Variants in CPSF3 observed in about 807,000 individuals in gnomAD.
The protein encoded by CPSF3 is cleavage and polyadenylation specific factor 3.
Under a neutral mutation model 84.1 loss-of-function variants are expected in CPSF3, and 57 were observed. The ratio of observed to expected loss-of-function variants is 0.68; its 90% CI spans 0.55 to 0.85. The LOEUF (loss-of-function observed/expected upper bound fraction) is 0.85, where lower values mean the gene tolerates loss of function less well. CPSF3 is among the 40% of genes least tolerant of loss of function. The pLI, the probability that CPSF3 is intolerant of heterozygous loss-of-function variation, is 0.00. For synonymous variants in CPSF3, 275 were observed against 278.1 expected (o/e 0.99, Z 0.11); for missense variants, 522 against 838.8 (o/e 0.62, Z 4.66).
intron 15 of CPSF3, among the ~76,000 whole-genome samples, chr2:9,466,313 GACGCACGCACACAGACGCACGC>G (rs1462006287): frequency 9.0e-6 from 1 of 111,590 alleles, no homozygotes; most frequent in Non-Finnish European, 1.9e-5. Flanking sequence ...CACGCACACT[GACGCACGCACACAGACGCACGC>G]ACACACGCGC....
At position 9,445,128 on chromosome 2, in the gene CPSF3, C is replaced by T. The variant is rs147723311; in HGVS notation, c.1242+1467C>T. Among the ~76,000 whole-genome samples, 85 of 152,308 alleles carry T rather than the reference C, an allele frequency of 5.6e-4. 1 individual carries two copies. Among genetic ancestry groups the T allele is most frequent in the African/African-American group, 1.9e-3 (80 of 41,576 alleles). On this transcript the variant is annotated intron_variant, in intron 10 of 17. Transcript: ENST00000238112. ...TTTCACAGCTTTTCATCACTCCAAG[C>T]AGAAACTCTGTACCGTTACACAGTA... is the stretch of plus-strand genomic sequence containing the variant.
rs940976802 is a variant in CPSF3, at chr2:9,448,275, A to G, written c.1320A>G (p.Glu440=). 9 of 1,613,006 alleles carry G rather than the reference A, an allele frequency of 5.6e-6. No homozygotes were observed. Among genetic ancestry groups the G allele is most frequent in the Non-Finnish European group, 7.6e-6 (9 of 1,179,196 alleles). The change falls in exon 11 of 18, where the codon GAA becomes GAG. Residue 440 remains glutamate (E), a synonymous_variant. Transcript: ENST00000238112. ...TTCGAGAATATGAAGATAACGATGA[A>G]GTTCACATAGAGGTTCATAATCCTC... ...ALIREYEDND[E]VHIEVHNPRN... is the part of the protein sequence containing the mutation.
intron 10 of CPSF3, among the ~76,000 whole-genome samples, chr2:9,444,158 A>ATTTTTT (rs869193869): frequency 1.6e-5 from 2 of 123,176 alleles, no homozygotes; most frequent in African/African-American, 7.6e-5. Context: ...ATATATATAT[A>ATTTTTT]TTTTTTTTTT....
At chr2:9,440,999 AT>A (rs1370234838) in intron 8 of CPSF3, among the ~76,000 whole-genome samples, 4 of 152,196 alleles carry the variant, frequency 2.6e-5, no homozygotes, top group African/African-American at 9.7e-5. Flanking sequence ...GCTTCAACAG[AT>A]TTTGCCACTT....
chr2:9,455,261 G>A (rs137911867), intron 12 of CPSF3, among the ~76,000 whole-genome samples: 66 of 151,800 alleles, frequency 4.3e-4, no homozygotes, highest in Non-Finnish European at 7.1e-4. Context: ...TCAGCCTCCC[G>A]AGTAGCTAGG....
chr2:9,458,374 A>T (rs1197897800), intron 14 of CPSF3, among the ~76,000 whole-genome samples: 2 of 152,214 alleles, frequency 1.3e-5, no homozygotes, highest in African/African-American at 4.8e-5. Context: ...ACTGCACTCC[A>T]ACCTGAGTGA....
chr2:9,430,149 G>A, intron 3 of CPSF3, 129 bp downstream of exon 3: 2 of 588,752 alleles, frequency 3.4e-6, no homozygotes, highest in Non-Finnish European at 5.9e-6. Flanking sequence ...GCAGACATCT[G>A]AGTCTAAACC....
Position 9,433,969 on chromosome 2 carries a change from T to A in CPSF3, c.609+9T>A. The A allele has an allele frequency of 7.0e-7, 1 of 1,423,660 alleles. No homozygotes were observed. The highest frequency in any genetic ancestry group is 9.9e-7 in the Non-Finnish European group (1 of 1,011,186). 88.2% of individuals were successfully genotyped at this position (1,423,660 alleles called of 1,614,324 possible). A position where few individuals can be genotyped will look rare whatever the true frequency, so the allele number is the denominator to read the frequency against. Reference sequence around the variant, plus strand: ...CTGATATTCTTATCATTGTAAGTATTAATATACTATATTGTAATCAATGTA... The same window carrying A: ...CTGATATTCTTATCATTGTAAGTATAAATATACTATATTGTAATCAATGTA... On this transcript the variant is annotated intron_variant, in intron 6 of 17. Transcript: ENST00000238112.
intron 1 of CPSF3, among the ~76,000 whole-genome samples, chr2:9,427,022 G>T (rs1172071532): frequency 6.6e-6 from 1 of 152,188 alleles, no homozygotes; most frequent in Admixed American, 6.5e-5. Context: ...GGTGGTCTGG[G>T]GAAAGAATAA....
intron 14 of CPSF3, among the ~76,000 whole-genome samples, chr2:9,458,429 A>G (rs1681610045): frequency 2.0e-5 from 3 of 152,192 alleles, no homozygotes; most frequent in Admixed American, 2.0e-4. Flanking sequence ...AAGAAAGTGA[A>G]AAGGAGTAGT....
intron 2 of CPSF3, 37 bp downstream of exon 2, chr2:9,428,865 C>G: frequency 7.9e-7 from 1 of 1,259,736 alleles, no homozygotes; most frequent in South Asian, 1.2e-5. Flanking sequence ...AATAGTATGG[C>G]TCTGTCTGTA....
rs757617467 is a variant in CPSF3, at chr2:9,443,529, A to C, written c.1110A>C (p.Glu370Asp). 1.2e-6 allele frequency: 2 copies of C among 1,613,610 alleles called. No individual in the cohort carries two copies. The change falls in exon 10 of 18, where the codon GAA (glutamate) becomes GAC (aspartate). Residue 370 changes from glutamate (E) to aspartate (D), a missense_variant. Coordinates refer to ENST00000238112, the MANE Select transcript of CPSF3 (RefSeq NM_016207.4). ...EGTLAKHIMS[E>D]PEEITTMSGQ... ...ATTTTCCACAGCACATCATGTCTGA[A>C]CCTGAAGAAATCACTACTATGTCTG...
intron 1 of CPSF3, among the ~76,000 whole-genome samples, chr2:9,428,286 C>T (rs1020244669): frequency 3.9e-5 from 6 of 152,068 alleles, no homozygotes; most frequent in Middle Eastern, 3.4e-3. Context: ...CGTGAGCCAC[C>T]GCACCCGGCC....
chr2:9,448,809 C>A (rs1436512374), intron 11 of CPSF3, among the ~76,000 whole-genome samples: 1 of 152,114 alleles, frequency 6.6e-6, no homozygotes, highest in Non-Finnish European at 1.5e-5. Flanking sequence ...CCCACCTCCG[C>A]CTCCCAAAGT....
At chr2:9,466,354 A>T (rs59958588) in intron 15 of CPSF3, among the ~76,000 whole-genome samples, 4,679 of 139,816 alleles carry the variant, frequency 0.033, 239 homozygotes, top group African/African-American at 0.12. Context: ...GCGCGCGCGC[A>T]CACACACACG....
At chr2:9,462,130 G>C (rs531014243) in intron 15 of CPSF3, among the ~76,000 whole-genome samples, 54 of 152,266 alleles carry the variant, frequency 3.5e-4, no homozygotes, top group Non-Finnish European at 6.5e-4. Context: ...TGGGGAAGAG[G>C]GTTAGGTGCG....
At chr2:9,426,106 C>T (rs1680381906) in intron 1 of CPSF3, among the ~76,000 whole-genome samples, 1 of 152,226 alleles carries the variant, frequency 6.6e-6, no homozygotes, top group Admixed American at 6.5e-5. Context: ...TGATGTGCTA[C>T]ATGCCAGGTA....
chr2:9,451,716 C>T (rs1022115542), intron 11 of CPSF3, among the ~76,000 whole-genome samples: 3 of 128,856 alleles, frequency 2.3e-5, no homozygotes, highest in African/African-American at 3.0e-5. Flanking sequence ...ATAAATGAAA[C>T]TTTTTTTTTT....
chr2:9,433,879 C>A lies in CPSF3; in HGVS notation c.528C>A (p.Tyr176Ter). ...MIEIAGVKLL[Y>*]TGDFSRQEDR... is the part of the protein sequence containing the mutation. ...TTTTATCTTTTTCACAGCTTTTGTA[C>A]ACTGGTGATTTCTCAAGACAAGAAG... Residue 176 changes from tyrosine to a stop codon, truncating the protein, a stop_gained, in exon 6 of 18, where the codon TAC becomes TAA. Coordinates refer to ENST00000238112, the MANE Select transcript of CPSF3 (RefSeq NM_016207.4). LOFTEE classifies it high-confidence loss of function. 6.2e-7 allele frequency: 1 copy of A among 1,607,820 alleles called. No homozygotes were observed. Among genetic ancestry groups the A allele is most frequent in the Non-Finnish European group, 8.5e-7 (1 of 1,175,460 alleles).
Sources: gnomAD v4.1 joint callset for allele counts (sites outside exome capture counted in the v4.1 genomes callset) on GRCh38, gnomAD v4.1.1 for gene constraint, MANE v1.5 for transcripts, NCBI Gene and HGNC (gene_info 2026-07-23, HGNC 2026-07-21) for gene names.